Variants in NEDD4 observed in about 807,000 individuals in gnomAD.
NEDD4 encodes E3 ubiquitin-protein ligase NEDD4.
Under a neutral mutation model 144.9 loss-of-function variants are expected in NEDD4, and 99 were observed. The ratio of observed to expected loss-of-function variants is 0.68; its 90% CI spans 0.58 to 0.81. The LOEUF (loss-of-function observed/expected upper bound fraction) is 0.81. NEDD4 is among the 30% of genes least tolerant of loss of function. The pLI, the probability that NEDD4 is intolerant of heterozygous loss-of-function variation, is 0.00. For synonymous variants in NEDD4, 318 were observed against 350.6 expected (o/e 0.91, Z 1.04); for missense variants, 985 against 1,065.9 (o/e 0.92, Z 1.06).
At chr15:55,895,445 G>A (rs1460032861) in intron 5 of NEDD4, among the ~76,000 whole-genome samples, 1 of 152,214 alleles carries the variant, frequency 6.6e-6, no homozygotes, top group African/African-American at 2.4e-5. Context: ...AAGTAAGTGT[G>A]AGAAGGTGAA....
intron 4 of NEDD4, among the ~76,000 whole-genome samples, chr15:55,927,827 G>A (rs7162023): frequency 4.6e-5 from 7 of 152,126 alleles, no homozygotes; most frequent in African/African-American, 1.4e-4. Flanking sequence ...GCTTTGCTTA[G>A]GATGGCCCCA....
chr15:55,827,669 A>G lies in NEDD4; in HGVS notation c.*2228T>C, dbSNP rs2032756502. 6.6e-6 allele frequency: 1 copy of G among 152,242 alleles called. No homozygotes were observed. Among genetic ancestry groups the G allele is most frequent in the South Asian group, 2.1e-4 (1 of 4,832 alleles). 9.4% of individuals were successfully genotyped at this position (152,242 alleles called of 1,614,324 possible). On this transcript the variant is annotated 3_prime_UTR_variant, in exon 29 of 29. Coordinates refer to ENST00000435532, the MANE Select transcript of NEDD4 (RefSeq NM_006154.4). Reference sequence around the variant, plus strand: ...CCCACATTACTATTACTTTGCTGATATGAAGAAAATGAATTATGATGGTAA... The same window carrying G: ...CCCACATTACTATTACTTTGCTGATGTGAAGAAAATGAATTATGATGGTAA...
intron 7 of NEDD4, among the ~76,000 whole-genome samples, chr15:55,870,520 CTTCTTCTTCTT>C (rs1375561106): frequency 0.026 from 2,044 of 79,856 alleles, 8 homozygotes; most frequent in South Asian, 0.088. Context: ...TTTTCTTCTT[CTTCTTCTTCTT>C]TTTTTTTTTT....
At chr15:55,971,507 C>T (rs2037607995) in intron 1 of NEDD4, among the ~76,000 whole-genome samples, 1 of 151,912 alleles carries the variant, frequency 6.6e-6, no homozygotes, top group Admixed American at 6.6e-5. Context: ...CACCTGTAAT[C>T]CCAGCTACTC....
At chr15:55,942,931 G>A (rs1373631054) in intron 4 of NEDD4, among the ~76,000 whole-genome samples, 1 of 152,214 alleles carries the variant, frequency 6.6e-6, no homozygotes, top group Non-Finnish European at 1.5e-5. Context: ...CCAGGCTGAG[G>A]TGGTCTCGAA....
chr15:55,908,421 T>G (rs769089076), intron 5 of NEDD4, among the ~76,000 whole-genome samples: 48 of 152,202 alleles, frequency 3.2e-4, no homozygotes, highest in Admixed American at 4.6e-4. Context: ...TTGATATGTT[T>G]TTAATGAATT....
Position 55,993,503 on chromosome 15 carries a change from C to T in NEDD4, c.45+8G>A. On this transcript the variant is annotated splice_region_variant and intron_variant, in intron 1 of 28. Transcript: ENST00000435532. ...GAAGCCCGCCCCGCAGCCCCGCGGT[C>T]CCCGCACCTCGTCCTCCAGGAGCCC... 1 of 1,596,280 alleles carries T rather than the reference C, an allele frequency of 6.3e-7. No individual in the cohort carries two copies. Among genetic ancestry groups the T allele is most frequent in the Non-Finnish European group, 8.5e-7 (1 of 1,173,684 alleles).
At chr15:55,965,565 T>C (rs1418084415) in intron 2 of NEDD4, among the ~76,000 whole-genome samples, 2 of 152,174 alleles carry the variant, frequency 1.3e-5, no homozygotes, top group East Asian at 3.8e-4. Flanking sequence ...TCCTTACCAC[T>C]GCCATGTTTT....
intron 5 of NEDD4, among the ~76,000 whole-genome samples, chr15:55,924,203 A>G (rs749933715): frequency 1.6e-4 from 25 of 152,046 alleles, no homozygotes; most frequent in Non-Finnish European, 2.8e-4. Flanking sequence ...TTTCCTCTGT[A>G]GAAGAGTGGG....
At chr15:55,888,304 T>C (rs1190340155) in intron 5 of NEDD4, among the ~76,000 whole-genome samples, 1 of 152,188 alleles carries the variant, frequency 6.6e-6, no homozygotes, top group East Asian at 1.9e-4. Flanking sequence ...ATAATTAACA[T>C]ACAAATATCA....
intron 1 of NEDD4, among the ~76,000 whole-genome samples, chr15:55,969,376 C>T (rs1055432336): frequency 1.3e-5 from 2 of 152,282 alleles, no homozygotes; most frequent in South Asian, 4.1e-4. Flanking sequence ...GGACTGCAGT[C>T]CCTGAGCAAG....
At position 55,894,941 on chromosome 15, in the gene NEDD4, C is replaced by G. The variant is rs143963563; in HGVS notation, c.292-20933G>C. ...GCAATTTATATTGTATGCTCCTAAA[C>G]TAGATGACTACTAAATATGAGAAAA... is the stretch of plus-strand genomic sequence containing the variant. On this transcript the variant is annotated intron_variant, in intron 5 of 28. Coordinates refer to ENST00000435532, the MANE Select transcript of NEDD4 (RefSeq NM_006154.4). Among the ~76,000 whole-genome samples the G allele has an allele frequency of 8.4e-3, 1,286 of 152,216 alleles. 11 individuals carry two copies. Among genetic ancestry groups the G allele is most frequent in the Middle Eastern group, 0.037 (11 of 294 alleles).
chr15:55,881,502 T>G (rs2142091647), intron 5 of NEDD4, among the ~76,000 whole-genome samples: 1 of 152,282 alleles, frequency 6.6e-6, no homozygotes, highest in East Asian at 1.9e-4. Flanking sequence ...AAGTCTGATC[T>G]TTAAGAAGCT....
chr15:55,846,600 C>G (rs1220099648), intron 18 of NEDD4, among the ~76,000 whole-genome samples: 1 of 152,162 alleles, frequency 6.6e-6, no homozygotes. Context: ...ATAAAAAAAT[C>G]CAGACCGTCC....
In NEDD4 at chr15:55,848,359, C is replaced by A. The variant is rs765813423; in HGVS notation, c.1542+13G>T. 1 of 1,613,422 alleles carries A rather than the reference C, an allele frequency of 6.2e-7. No individual in the cohort carries two copies. Among genetic ancestry groups the A allele is most frequent in the South Asian group, 1.1e-5 (1 of 91,048 alleles). ...GGACAGTCCCATCAGAGCACACTGG[C>A]AGAGAGACTTACTGGTCCAGTTATT... On this transcript the variant is annotated intron_variant, in intron 17 of 28. Coordinates refer to ENST00000435532, the MANE Select transcript of NEDD4 (RefSeq NM_006154.4).
intron 5 of NEDD4, among the ~76,000 whole-genome samples, chr15:55,883,179 G>C (rs1262915566): frequency 6.6e-6 from 1 of 152,116 alleles, no homozygotes; most frequent in African/African-American, 2.4e-5. Context: ...TGAATTCCAG[G>C]CCTGGCAGCA....
At chr15:55,849,249 A>C (rs774714288) in intron 14 of NEDD4, among the ~76,000 whole-genome samples, 14 of 151,956 alleles carry the variant, frequency 9.2e-5, no homozygotes, top group Non-Finnish European at 1.9e-4. Context: ...TCTGAGGTGG[A>C]GTGTCGCTCT....
At chr15:55,982,347 A>G (rs2037817426) in intron 1 of NEDD4, among the ~76,000 whole-genome samples, 1 of 152,212 alleles carries the variant, frequency 6.6e-6, no homozygotes, top group South Asian at 2.1e-4. Context: ...TTTATTCATA[A>G]TAGCCCAAAG....
intron 5 of NEDD4, among the ~76,000 whole-genome samples, chr15:55,900,714 T>C (rs1465810833): frequency 2.6e-5 from 4 of 152,224 alleles, no homozygotes; most frequent in Non-Finnish European, 4.4e-5. Flanking sequence ...CTTTTATGTA[T>C]GTCTCAAAGA....
Sources: allele counts gnomAD v4.1 joint callset (sites outside exome capture counted in the v4.1 genomes callset), GRCh38; gene constraint gnomAD v4.1.1; transcripts MANE v1.5; gene names NCBI Gene and HGNC (gene_info 2026-07-23, HGNC 2026-07-21).